Variants in LRFN2 observed in about 807,000 individuals in gnomAD.
The protein encoded by LRFN2 is leucine-rich repeat and fibronectin type-III domain-containing protein 2.
In LRFN2, 18 loss-of-function variants were observed where a neutral mutation model predicts 37.3. That is an observed-to-expected ratio of 0.48 (90% CI 0.33 to 0.72). LRFN2 has a LOEUF of 0.72. LRFN2 is among the 30% of genes least tolerant of loss of function. The pLI is 0.02. For missense variants in LRFN2, 1,006 were observed against 1,060.7 expected (o/e 0.95, Z 0.72); for synonymous variants, 556 against 466.6 (o/e 1.19, Z -2.47).
chr6:40,439,027 A>G (rs1240557858), intron 1 of LRFN2, among the ~76,000 whole-genome samples: 1 of 152,196 alleles, frequency 6.6e-6, no homozygotes, highest in African/African-American at 2.4e-5. Flanking sequence ...GCTTGACCAC[A>G]GGCTTTCCCC....
chr6:40,485,269 C>T (rs9357329), intron 1 of LRFN2, among the ~76,000 whole-genome samples: 2,037 of 152,236 alleles, frequency 0.013, 37 homozygotes, highest in East Asian at 0.065. Context: ...CCCCTTCTCC[C>T]GGGCATCGTG....
intron 1 of LRFN2, among the ~76,000 whole-genome samples, chr6:40,438,810 A>G (rs1763757328): frequency 6.6e-6 from 1 of 152,192 alleles, no homozygotes; most frequent in Non-Finnish European, 1.5e-5. Flanking sequence ...AGGCCCTGAT[A>G]ATAGTGAGTC....
At chr6:40,419,258 C>A (rs1300842472) in intron 2 of LRFN2, among the ~76,000 whole-genome samples, 3 of 152,190 alleles carry the variant, frequency 2.0e-5, no homozygotes, top group African/African-American at 7.2e-5. Context: ...CTGCACCTTG[C>A]CTTTGGGCTT....
At chr6:40,559,268 C>T (rs1014273058) in intron 1 of LRFN2, among the ~76,000 whole-genome samples, 67 of 152,244 alleles carry the variant, frequency 4.4e-4, no homozygotes, top group African/African-American at 1.4e-3. Context: ...TTCCTGATGA[C>T]GCTGTAAATC....
At chr6:40,509,975 C>T (rs1765657693) in intron 1 of LRFN2, among the ~76,000 whole-genome samples, 1 of 148,350 alleles carries the variant, frequency 6.7e-6, no homozygotes, top group Non-Finnish European at 1.5e-5. Context: ...TGTGGGTATG[C>T]CACGGAACAC....
At position 40,449,767 on chromosome 6, in the gene LRFN2, C is replaced by G. The variant is rs576609715; in HGVS notation, c.-18-16636G>C. On this transcript the variant is annotated intron_variant, in intron 1 of 2. Transcript: ENST00000338305. ...ATAGTATAAAGAGTTTCTATATACTCCTCACCCCATTTTCCCCATTGGTAA... is the reference window on the plus strand; with the variant it reads ...ATAGTATAAAGAGTTTCTATATACTGCTCACCCCATTTTCCCCATTGGTAA... Among the ~76,000 whole-genome samples, 14 of 152,228 alleles carry G rather than the reference C, an allele frequency of 9.2e-5. No homozygotes were observed. In the East Asian group the frequency reaches 2.7e-3, roughly 29 times the overall value.
intron 1 of LRFN2, among the ~76,000 whole-genome samples, chr6:40,529,146 G>A (rs1766305676): frequency 1.3e-5 from 2 of 152,172 alleles, no homozygotes; most frequent in African/African-American, 4.8e-5. Context: ...AAGCTCGGGA[G>A]GAAATAATTT....
At chr6:40,560,416 GA>G (rs1168663302) in intron 1 of LRFN2, among the ~76,000 whole-genome samples, 3 of 152,186 alleles carry the variant, frequency 2.0e-5, no homozygotes, top group Admixed American at 6.5e-5. Flanking sequence ...AACATATTCA[GA>G]AATGATGGAC....
intron 1 of LRFN2, among the ~76,000 whole-genome samples, chr6:40,568,849 G>A (rs907649286): frequency 2.0e-5 from 3 of 152,088 alleles, no homozygotes; most frequent in Admixed American, 1.3e-4. Context: ...AGCCTCCCGA[G>A]TAGCTGGGAT....
chr6:40,543,902 C>T (rs10947892), intron 1 of LRFN2, among the ~76,000 whole-genome samples: 68,745 of 152,058 alleles, frequency 0.45, 16,542 homozygotes, highest in African/African-American at 0.62. Flanking sequence ...GTTCTAAATG[C>T]TCAGCTCAGA....
At chr6:40,579,791 G>A (rs1767361587) in intron 1 of LRFN2, among the ~76,000 whole-genome samples, 1 of 152,178 alleles carries the variant, frequency 6.6e-6, no homozygotes, top group African/African-American at 2.4e-5. Flanking sequence ...GTGCACACAG[G>A]GATTGGAGAG....
intron 2 of LRFN2, among the ~76,000 whole-genome samples, chr6:40,409,910 G>C (rs1762929666): frequency 6.6e-6 from 1 of 152,166 alleles, no homozygotes; most frequent in Admixed American, 6.5e-5. Context: ...TCACCCCACG[G>C]AGAGTTGCCC....
At chr6:40,472,891 T>A (rs1182454039) in intron 1 of LRFN2, among the ~76,000 whole-genome samples, 1 of 152,096 alleles carries the variant, frequency 6.6e-6, no homozygotes, top group Non-Finnish European at 1.5e-5. Context: ...ACCTCCCATC[T>A]CTGTCTCTCC....
At chr6:40,443,731 T>A (rs1387340840) in intron 1 of LRFN2, among the ~76,000 whole-genome samples, 1 of 152,080 alleles carries the variant, frequency 6.6e-6, no homozygotes, top group Non-Finnish European at 1.5e-5. Flanking sequence ...AGCTGAAGGA[T>A]GTTTGATGAA....
chr6:40,468,483 C>G (rs779497970), intron 1 of LRFN2, among the ~76,000 whole-genome samples: 1 of 152,082 alleles, frequency 6.6e-6, no homozygotes, highest in Non-Finnish European at 1.5e-5. Context: ...GAACTGGGCT[C>G]AGATGTAGGT....
chr6:40,487,423 C>A (rs891024012), intron 1 of LRFN2, among the ~76,000 whole-genome samples: 2 of 152,216 alleles, frequency 1.3e-5, no homozygotes, highest in African/African-American at 4.8e-5. Context: ...GGCAGGGCGT[C>A]AATGAGTTCT....
At chr6:40,442,622 A>G (rs1405225238) in intron 1 of LRFN2, among the ~76,000 whole-genome samples, 1 of 151,630 alleles carries the variant, frequency 6.6e-6, no homozygotes, top group African/African-American at 2.4e-5. Flanking sequence ...CTCTCAGACT[A>G]GGGCTCCCTG....
At chr6:40,416,858 C>T (rs959298760) in intron 2 of LRFN2, among the ~76,000 whole-genome samples, 3 of 152,326 alleles carry the variant, frequency 2.0e-5, no homozygotes, top group Non-Finnish European at 2.9e-5. Context: ...AGAAACCCAT[C>T]TTTAATGGTG....
intron 1 of LRFN2, among the ~76,000 whole-genome samples, chr6:40,524,659 C>T (rs768897394): frequency 3.3e-5 from 5 of 152,162 alleles, no homozygotes; most frequent in African/African-American, 7.2e-5. Flanking sequence ...TAACAAAAGA[C>T]CTTTCTTTTT....
Sources: gnomAD v4.1 joint callset for allele counts (sites outside exome capture counted in the v4.1 genomes callset) on GRCh38, gnomAD v4.1.1 for gene constraint, MANE v1.5 for transcripts, NCBI Gene and HGNC (gene_info 2026-07-23, HGNC 2026-07-21) for gene names.